Variants in FAM83B observed in about 807,000 individuals in gnomAD.
FAM83B encodes scaffolding CK1 anchoring protein B.
In FAM83B, 26 loss-of-function variants were observed where a neutral mutation model predicts 38.8. The ratio of observed to expected loss-of-function variants is 0.67; its 90% CI spans 0.49 to 0.93. FAM83B has a LOEUF of 0.93. Ranked by LOEUF, FAM83B falls within the 40% of genes least tolerant of loss-of-function variation. FAM83B has a pLI of 0.00. For synonymous variants in FAM83B, 419 were observed against 423.1 expected (o/e 0.99, Z 0.12); for missense variants, 1,237 against 1,197.3 (o/e 1.03, Z -0.49).
Position 54,941,850 on chromosome 6 carries a change from G to T in FAM83B, c.2879G>T (p.Arg960Leu), listed in dbSNP as rs568321920. The T allele has an allele frequency of 6.2e-7, 1 of 1,613,962 alleles. No homozygotes were observed. The highest frequency in any genetic ancestry group is 8.5e-7 in the Non-Finnish European group (1 of 1,179,984). ...AACATGCCAAATACCAGTATAAATCGCCCAGAAATAAAATCTGCGACTATG... is the reference window on the plus strand; with the variant it reads ...AACATGCCAAATACCAGTATAAATCTCCCAGAAATAAAATCTGCGACTATG... ...TSNMPNTSINRPEIKSATMGN... is the reference protein window; with the variant it reads ...TSNMPNTSINLPEIKSATMGN... Residue 960 changes from arginine (R) to leucine (L), a missense_variant, in exon 5 of 5, where the codon CGC (arginine) becomes CTC (leucine). Transcript: ENST00000306858.
intron 1 of FAM83B, among the ~76,000 whole-genome samples, chr6:54,859,187 G>C (rs1561904501): frequency 6.6e-6 from 1 of 151,854 alleles, no homozygotes; most frequent in Non-Finnish European, 1.5e-5. Flanking sequence ...GCAGCCTCCT[G>C]AGTAGCTGGG....
At chr6:54,899,417 G>A (rs900223505) in intron 2 of FAM83B, among the ~76,000 whole-genome samples, 46 of 152,080 alleles carry the variant, frequency 3.0e-4, no homozygotes, top group Admixed American at 7.2e-4. Flanking sequence ...TTTATCTTTC[G>A]TTATACCTAA....
At chr6:54,860,046 TG>T (rs1771540374) in intron 1 of FAM83B, among the ~76,000 whole-genome samples, 1 of 5,768 alleles carries the variant, frequency 1.7e-4, no homozygotes, top group Admixed American at 4.7e-3. Flanking sequence ...ACCCTCATTG[TG>T]TGTGTGTGTG....
At chr6:54,856,947 C>T (rs139897653) in intron 1 of FAM83B, among the ~76,000 whole-genome samples, 115 of 152,190 alleles carry the variant, frequency 7.6e-4, no homozygotes, top group Non-Finnish European at 1.4e-3. Context: ...ATTTGGCATT[C>T]GAACTAAATA....
At chr6:54,847,858 T>G (rs1452030738) in intron 1 of FAM83B, among the ~76,000 whole-genome samples, 1 of 152,012 alleles carries the variant, frequency 6.6e-6, no homozygotes, top group Non-Finnish European at 1.5e-5. Context: ...GAAGAAGGTG[T>G]GCGGGTGGCA....
At chr6:54,887,323 C>G (rs1772302318) in intron 2 of FAM83B, among the ~76,000 whole-genome samples, 1 of 152,138 alleles carries the variant, frequency 6.6e-6, no homozygotes, top group Non-Finnish European at 1.5e-5. Flanking sequence ...CTGTGGAGGG[C>G]TGACTTTTCC....
At chr6:54,915,807 C>T (rs1476207230) in intron 2 of FAM83B, among the ~76,000 whole-genome samples, 1 of 56,152 alleles carries the variant, frequency 1.8e-5, no homozygotes, top group Non-Finnish European at 2.9e-5. Flanking sequence ...AGCGAGACTC[C>T]GTCTCAAAAA....
upstream of FAM83B, among the ~76,000 whole-genome samples, chr6:54,846,226 C>T (rs1425261437): frequency 6.6e-6 from 1 of 152,224 alleles, no homozygotes; most frequent in East Asian, 1.9e-4. Flanking sequence ...GGAGTCTGCA[C>T]TGCGGGATGC....
At chr6:54,913,751 A>T (rs1173774792) in intron 2 of FAM83B, among the ~76,000 whole-genome samples, 1 of 152,114 alleles carries the variant, frequency 6.6e-6, no homozygotes, top group African/African-American at 2.4e-5. Flanking sequence ...AAACATATGT[A>T]TATGAAGAAT....
intron 2 of FAM83B, among the ~76,000 whole-genome samples, chr6:54,914,417 C>T (rs1365277232): frequency 1.3e-5 from 2 of 152,082 alleles, no homozygotes; most frequent in Non-Finnish European, 2.9e-5. Flanking sequence ...TCATCAAACC[C>T]AATGAATTTG....
intron 2 of FAM83B, among the ~76,000 whole-genome samples, chr6:54,883,556 G>A (rs1469405476): frequency 1.4e-5 from 2 of 145,608 alleles, no homozygotes; most frequent in East Asian, 2.2e-4. Flanking sequence ...GGCTGGTCTC[G>A]AACTCTCAAC....
chr6:54,910,187 G>T (rs532173528), intron 2 of FAM83B, among the ~76,000 whole-genome samples: 34 of 152,218 alleles, frequency 2.2e-4, no homozygotes, highest in African/African-American at 8.2e-4. Flanking sequence ...GGAACTCAGC[G>T]ACCCAAAGCC....
At chr6:54,862,390 C>A (rs1212578630) in intron 1 of FAM83B, among the ~76,000 whole-genome samples, 1 of 152,050 alleles carries the variant, frequency 6.6e-6, no homozygotes, top group Non-Finnish European at 1.5e-5. Flanking sequence ...CAAGGCACAC[C>A]CTAAAAACAG....
chr6:54,877,234 G>A (rs977264970), intron 2 of FAM83B, among the ~76,000 whole-genome samples: 2 of 152,170 alleles, frequency 1.3e-5, no homozygotes, highest in Non-Finnish European at 2.9e-5. Context: ...CATTCTTTAG[G>A]CATTTGTTAT....
chr6:54,878,730 A>G (rs1361497448), intron 2 of FAM83B, among the ~76,000 whole-genome samples: 1 of 152,206 alleles, frequency 6.6e-6, no homozygotes, highest in African/African-American at 2.4e-5. Flanking sequence ...CCTGTAAATC[A>G]GGAATCTACA....
chr6:54,904,752 G>T (rs1388341024), intron 2 of FAM83B, among the ~76,000 whole-genome samples: 1 of 152,202 alleles, frequency 6.6e-6, no homozygotes, highest in African/African-American at 2.4e-5. Flanking sequence ...CCAGGATTTG[G>T]CCATGGCTTC....
chr6:54,856,498 A>T (rs975954151), intron 1 of FAM83B, among the ~76,000 whole-genome samples: 1 of 152,196 alleles, frequency 6.6e-6, no homozygotes, highest in Non-Finnish European at 1.5e-5. Flanking sequence ...TGAGAAACCA[A>T]GTGACTGTTC....
intron 4 of FAM83B, among the ~76,000 whole-genome samples, chr6:54,934,254 CT>C (rs534321005): frequency 3.5e-4 from 54 of 152,212 alleles, no homozygotes; most frequent in African/African-American, 1.3e-3. Flanking sequence ...TGCATCTAAG[CT>C]CTTAAGCTTT....
chr6:54,930,611 T>C (rs950072572), intron 4 of FAM83B, among the ~76,000 whole-genome samples: 2 of 152,126 alleles, frequency 1.3e-5, no homozygotes, highest in African/African-American at 4.8e-5. Flanking sequence ...TTCCTCCAAA[T>C]TGGTAAGGTA....
Sources: allele counts gnomAD v4.1 joint callset (sites outside exome capture counted in the v4.1 genomes callset), GRCh38; gene constraint gnomAD v4.1.1; transcripts MANE v1.5; gene names NCBI Gene and HGNC (gene_info 2026-07-23, HGNC 2026-07-21).